Variants in ATP1A2 observed in about 807,000 individuals in gnomAD.
The protein encoded by ATP1A2 is ATPase Na+/K+ transporting subunit alpha 2.
A neutral mutation model predicts 113.1 loss-of-function variants in ATP1A2; 56 were observed. That is an observed-to-expected ratio of 0.49 (90% CI 0.40 to 0.62). ATP1A2 has a LOEUF of 0.62. Among genes scored for constraint, ATP1A2 ranks in the 20% least tolerant of loss-of-function variants. The pLI is 0.00. For missense variants in ATP1A2, 712 were observed against 1,357.8 expected, an observed-to-expected ratio of 0.52 and a Z score of 7.47; for synonymous variants, 490 against 526.8, an observed-to-expected ratio of 0.93 and a Z score of 0.96.
In ATP1A2 at chr1:160,119,255, G is replaced by GAAAAA. The variant is rs1558001685; in HGVS notation, c.13-1651_13-1650insAAAAA. 1.5e-3 allele frequency among the ~76,000 whole-genome samples: 4 copies of GAAAAA among 2,636 alleles called. 1 individual carries two copies. Among genetic ancestry groups the GAAAAA allele is most frequent in the African/African-American group, 8.7e-3 (4 of 462 alleles). The allele number at this position is 2,636 out of a possible 152,430, so 1.7% of individuals were successfully genotyped here. A position where few individuals can be genotyped will look rare whatever the true frequency, so the allele number is the denominator to read the frequency against. Reference sequence around the variant, plus strand: ...AAAACCCCCAAAACTGCATTATCCTGCAAAAAAAAAAAAAAAAAAAAAAAA... The same window carrying GAAAAA: ...AAAACCCCCAAAACTGCATTATCCTGAAAAACAAAAAAAAAAAAAAAAAAAAAAAA... On this transcript the variant is annotated intron_variant, in intron 1 of 22. Coordinates refer to ENST00000361216, the MANE Select transcript of ATP1A2 (RefSeq NM_000702.4).
At chr1:160,125,624 T>G in intron 7 of ATP1A2, 1 of 266,098 alleles carries the variant, frequency 3.8e-6, no homozygotes, top group East Asian at 9.5e-5. Context: ...GATGCTTCTA[T>G]TCCTTGTGGT....
At chr1:160,133,702 C>A (rs1039891364) in intron 13 of ATP1A2, among the ~76,000 whole-genome samples, 5 of 152,032 alleles carry the variant, frequency 3.3e-5, no homozygotes, top group African/African-American at 1.2e-4. Context: ...ATCCAGGTCC[C>A]TGTGCATTTG....
chr1:160,122,840 C>G (rs1651458662), intron 3 of ATP1A2, among the ~76,000 whole-genome samples: 2 of 152,102 alleles, frequency 1.3e-5, no homozygotes, highest in Non-Finnish European at 2.9e-5. Flanking sequence ...AAATCTAGGA[C>G]TCTCCTAGAA....
chr1:160,140,120 G>C (rs907952790), intron 22 of ATP1A2, 136 bp downstream of exon 22: 1 of 884,948 alleles, frequency 1.1e-6, no homozygotes, highest in Non-Finnish European at 1.8e-6. Context: ...TGGGGTCCCA[G>C]GTCCCAGGAG....
intron 1 of ATP1A2, among the ~76,000 whole-genome samples, chr1:160,117,107 T>C (rs1374058534): frequency 6.6e-6 from 1 of 152,096 alleles, no homozygotes; most frequent in East Asian, 1.9e-4. Flanking sequence ...TAAATGTCAC[T>C]GTGTGGGGGT....
In ATP1A2 at chr1:160,141,288, T is replaced by C. The variant is rs748808119; in HGVS notation, c.3035-6T>C. The C allele has an allele frequency of 6.2e-7, 1 of 1,613,932 alleles. No individual in the cohort carries two copies. Among genetic ancestry groups the C allele is most frequent in the Non-Finnish European group, 8.5e-7 (1 of 1,179,920 alleles). On this transcript the variant is annotated splice_polypyrimidine_tract_variant and splice_region_variant and intron_variant, in intron 22 of 22. Coordinates refer to ENST00000361216, the MANE Select transcript of ATP1A2 (RefSeq NM_000702.4). ...CTGCAATCTCCACTCCCAATCTCTCTAACAGGCTGGGTGGAGAAGGAGACA... is the reference window on the plus strand; with the variant it reads ...CTGCAATCTCCACTCCCAATCTCTCCAACAGGCTGGGTGGAGAAGGAGACA...
At chr1:160,137,122 C>A in intron 20 of ATP1A2, 91 bp downstream of exon 20, 2 of 1,600,900 alleles carry the variant, frequency 1.2e-6, no homozygotes, top group Non-Finnish European at 1.7e-6. Flanking sequence ...AGCCCTGGAC[C>A]AGAGCTGTAA....
chr1:160,136,275 C>T lies in ATP1A2; in HGVS notation c.2468C>T (p.Ala823Val), dbSNP rs765705487. The T allele has an allele frequency of 2.5e-6, 4 of 1,614,220 alleles. No individual in the cohort carries two copies. The highest frequency in any genetic ancestry group is 3.4e-6 in the Non-Finnish European group (4 of 1,180,032). The change falls in exon 18 of 23, where the codon GCA becomes GTA. Residue 823 changes from alanine (A) to valine (V), a missense_variant. Coordinates refer to ENST00000361216, the MANE Select transcript of ATP1A2 (RefSeq NM_000702.4). ...CCTGCCATCTCCTTGGCCTATGAGG[C>T]AGCTGAGAGTGATATCATGAAGCGG... ...MVPAISLAYE[A>V]AESDIMKRQP...
intron 13 of ATP1A2, among the ~76,000 whole-genome samples, chr1:160,130,981 C>T (rs961138253): frequency 1.3e-5 from 2 of 152,212 alleles, no homozygotes; most frequent in African/African-American, 4.8e-5. Context: ...CTCTTGTATG[C>T]TCCCAGTGGC....
chr1:160,121,856 G>A (rs542164535), intron 3 of ATP1A2, among the ~76,000 whole-genome samples: 1 of 152,182 alleles, frequency 6.6e-6, no homozygotes, highest in South Asian at 2.1e-4. Flanking sequence ...AAAATGCTGG[G>A]TGTGGTGGCT....
chr1:160,136,095 A>T, intron 17 of ATP1A2, 102 bp downstream of exon 17: 1 of 1,603,362 alleles, frequency 6.2e-7, no homozygotes. Context: ...TGTGGGGGTT[A>T]CAGGAGACAG....
chr1:160,134,077 C>CCA (rs1198117782), intron 13 of ATP1A2, among the ~76,000 whole-genome samples: 1 of 148,886 alleles, frequency 6.7e-6, no homozygotes, highest in East Asian at 2.0e-4. Flanking sequence ...TCCCCACCCC[C>CCA]CACACACACA....
intron 7 of ATP1A2, 76 bp from the exon 8 acceptor site, chr1:160,127,474 CCT>C: frequency 1.2e-6 from 2 of 1,604,314 alleles, no homozygotes; most frequent in Non-Finnish European, 1.7e-6. Flanking sequence ...TGATGATTTT[CCT>C]TGCTCAGGAA....
At chr1:160,123,731 T>C (rs547785029) in intron 4 of ATP1A2, among the ~76,000 whole-genome samples, 26 of 152,332 alleles carry the variant, frequency 1.7e-4, no homozygotes, top group Middle Eastern at 3.4e-3. Flanking sequence ...TTCCTAAGAC[T>C]TTCCCTCCCA....
chr1:160,123,334 T>C lies in ATP1A2; in HGVS notation c.299T>C (p.Ile100Thr). The C allele has an allele frequency of 1.9e-6, 3 of 1,614,212 alleles. No individual in the cohort carries two copies. The highest frequency in any genetic ancestry group is 2.5e-6 in the Non-Finnish European group (3 of 1,180,038). ...FCRQLFGGFS[I>T]LLWIGAILCF... Reference sequence around the variant, plus strand: ...CGTCAGCTTTTCGGGGGGTTCTCCATCCTGCTGTGGATTGGGGCTATCCTC... The same window carrying C: ...CGTCAGCTTTTCGGGGGGTTCTCCACCCTGCTGTGGATTGGGGCTATCCTC... Residue 100 changes from isoleucine to threonine, a missense_variant, in exon 4 of 23, where the codon ATC becomes ACC. Transcript: ENST00000361216.
chr1:160,140,103 C>A, intron 22 of ATP1A2, 119 bp downstream of exon 22: 1 of 1,052,930 alleles, frequency 9.5e-7, no homozygotes. Context: ...TCAACACCCT[C>A]AGATCCTGGG....
In ATP1A2 at chr1:160,140,127, G is replaced by T. The variant is rs1652089415; in HGVS notation, c.3034+143G>T. 7.1e-6 allele frequency: 6 copies of T among 845,620 alleles called. No individual in the cohort carries two copies. The Admixed American group carries it at 8.0e-5, about 11-fold the overall frequency. The allele number at this position is 845,620 out of a possible 1,614,324, so 52.4% of individuals were successfully genotyped here. A position where few individuals can be genotyped will look rare whatever the true frequency, so the allele number is the denominator to read the frequency against. ...TCAGATCCTGGGGTCCCAGGTCCCA[G>T]GAGCCCTGACTCTTTCGAACCTGTT... is the stretch of plus-strand genomic sequence containing the variant. On this transcript the variant is annotated intron_variant, in intron 22 of 22. Coordinates refer to ENST00000361216, the MANE Select transcript of ATP1A2 (RefSeq NM_000702.4).
chr1:160,120,915 G>C lies in ATP1A2; in HGVS notation c.22G>C (p.Glu8Gln). Residue 8 changes from glutamate to glutamine, a missense_variant, in exon 2 of 23, where the codon GAG (glutamate) becomes CAG (glutamine). By Grantham distance (29) the Glu-to-Gln change is conservative (BLOSUM62 2). This residue lies in a region of ATP1A2 where 109 missense variants were observed against 162.3 expected (regional missense o/e 0.67). Coordinates refer to ENST00000361216, the MANE Select transcript of ATP1A2 (RefSeq NM_000702.4). MGRGAGR[E>Q]YSPAATTAEN... ...TCCCTTCCTCCCTCAGGCTGGCCGT[G>C]AGTACTCACCTGCCGCCACCACGGC... The C allele has an allele frequency of 6.3e-7, 1 of 1,595,292 alleles. No individual in the cohort carries two copies. The highest frequency in any genetic ancestry group is 8.5e-7 in the Non-Finnish European group (1 of 1,171,272).
At chr1:160,116,109 A>G (rs1651169306) in intron 1 of ATP1A2, among the ~76,000 whole-genome samples, 2 of 146,730 alleles carry the variant, frequency 1.4e-5, no homozygotes, top group African/African-American at 5.1e-5. Context: ...AGTTAGACCC[A>G]CAGCCCACCA....
Sources: allele counts gnomAD v4.1 joint callset (sites outside exome capture counted in the v4.1 genomes callset), GRCh38; gene constraint gnomAD v4.1.1; regional missense constraint gnomAD v4.1.1; transcripts MANE v1.5; gene names NCBI Gene and HGNC (gene_info 2026-07-23, HGNC 2026-07-21).